The following ADAMTS18 variants were observed in gnomAD, a reference collection of about 807,000 sequenced individuals.
ADAMTS18 encodes the protein ADAM metallopeptidase with thrombospondin type 1 motif 18, also known as A disintegrin and metalloproteinase with thrombospondin motifs 18.
ADAMTS18 carries 157 observed loss-of-function variants against 165.9 expected under a neutral mutation model. The ratio of observed to expected loss-of-function variants is 0.95; its 90% CI spans 0.83 to 1.08. The LOEUF is 1.08. Among genes scored for constraint, ADAMTS18 ranks in the 50% least tolerant of loss-of-function variants. The pLI is 0.00. For missense variants in ADAMTS18, 2,040 were observed against 1,534.0 expected, an observed-to-expected ratio of 1.33 and a Z score of -5.51; for synonymous variants, 782 against 578.2, an observed-to-expected ratio of 1.35 and a Z score of -5.06.
Position 77,325,894 on chromosome 16 carries a change from G to A in ADAMTS18, c.2004C>T (p.Tyr668=), listed in dbSNP as rs2056086045. ...YNSKPFRGWF[Y]QWKPYTKVEE... is the part of the protein sequence containing the mutation. Reference sequence around the variant, plus strand: ...CCACTTTTGTATAGGGTTTCCACTGGTAGAACCATCCACGGAAAGGTTTGC... The same window carrying A: ...CCACTTTTGTATAGGGTTTCCACTGATAGAACCATCCACGGAAAGGTTTGC... The change falls in exon 13 of 23, where the codon TAC becomes TAT. Residue 668 remains tyrosine (Y), a synonymous_variant. Transcript: ENST00000282849. 6.2e-7 allele frequency: 1 copy of A among 1,613,936 alleles called. No homozygotes were observed. Among genetic ancestry groups the A allele is most frequent in the Non-Finnish European group, 8.5e-7 (1 of 1,179,960 alleles).
At chr16:77,353,124 T>C (rs2056579591) in intron 10 of ADAMTS18, among the ~76,000 whole-genome samples, 1 of 152,142 alleles carries the variant, frequency 6.6e-6, no homozygotes, top group Admixed American at 6.5e-5. Flanking sequence ...TACTTTCTGG[T>C]AAAGTTGAGA....
At chr16:77,426,490 T>C (rs1420530194) in intron 3 of ADAMTS18, among the ~76,000 whole-genome samples, 1 of 152,210 alleles carries the variant, frequency 6.6e-6, no homozygotes, top group Non-Finnish European at 1.5e-5. Context: ...ATTTTGGCAA[T>C]AACTTCACCA....
At chr16:77,362,320 G>C in intron 6 of ADAMTS18, 56 bp from the exon 7 acceptor site, 1 of 1,584,384 alleles carries the variant, frequency 6.3e-7, no homozygotes, top group Non-Finnish European at 8.7e-7. Context: ...TGAGAATGCT[G>C]AATCATTCCA....
intron 11 of ADAMTS18, among the ~76,000 whole-genome samples, chr16:77,339,608 A>C (rs983493849): frequency 1.3e-5 from 2 of 151,564 alleles, no homozygotes; most frequent in Non-Finnish European, 2.9e-5. Flanking sequence ...TAAAAAAAAA[A>C]ACAAAACACT....
Position 77,362,134 on chromosome 16 carries a change from G to T in ADAMTS18, c.1187C>A (p.Ser396Tyr), listed in dbSNP as rs753774784. The T allele has an allele frequency of 4.3e-6, 7 of 1,614,054 alleles. No homozygotes were observed. Among genetic ancestry groups the T allele is most frequent in the Non-Finnish European group, 5.9e-6 (7 of 1,180,002 alleles). Residue 396 changes from serine (S) to tyrosine (Y), a missense_variant, in exon 7 of 23, where the codon TCT (serine) becomes TAT (tyrosine). Coordinates refer to ENST00000282849, the MANE Select transcript of ADAMTS18 (RefSeq NM_199355.4). ...AILLTGFDIC[S>Y]WKNEPCDTLG... ...AGTGTCACATGGTTCATTCTTCCAA[G>T]AACAAATATCAAATCCTGTTAGTAA...
chr16:77,322,449 G>A lies in ADAMTS18; in HGVS notation c.2050C>T (p.Leu684=). 1 of 1,614,044 alleles carries A rather than the reference G, an allele frequency of 6.2e-7. No individual in the cohort carries two copies. Among genetic ancestry groups the A allele is most frequent in the Non-Finnish European group, 8.5e-7 (1 of 1,179,982 alleles). ...TCAAAGTTCTCAGCCTTGCAGTACA[G>A]TTTGCATCGATCTTCCTCTAGAAAC... The part of the protein sequence containing the change: ...TKVEEEDRCK[L]YCKAENFEFF... The change falls in exon 14 of 23, where the codon CTG becomes TTG. Residue 684 remains leucine (L), a synonymous_variant. Transcript: ENST00000282849.
At chr16:77,290,833 A>C in intron 21 of ADAMTS18, 1 of 239,898 alleles carries the variant, frequency 4.2e-6, no homozygotes. Flanking sequence ...AGTACTTAGC[A>C]CCGTGCATAG....
intron 12 of ADAMTS18, among the ~76,000 whole-genome samples, chr16:77,326,451 TG>T (rs1489125931): frequency 6.6e-6 from 1 of 152,212 alleles, no homozygotes; most frequent in Non-Finnish European, 1.5e-5. Flanking sequence ...GGCGTGATCT[TG>T]GCTCACTGCT....
intron 16 of ADAMTS18, among the ~76,000 whole-genome samples, chr16:77,305,441 T>C (rs1230612954): frequency 6.6e-6 from 1 of 152,118 alleles, no homozygotes; most frequent in Non-Finnish European, 1.5e-5. Flanking sequence ...AAAATGAAAA[T>C]TCAACAGTCA....
intron 16 of ADAMTS18, among the ~76,000 whole-genome samples, chr16:77,304,960 G>T (rs751799750): frequency 6.6e-6 from 1 of 152,130 alleles, no homozygotes; most frequent in Non-Finnish European, 1.5e-5. Context: ...TGCCTTTAAT[G>T]TATGTGTAGC....
intron 3 of ADAMTS18, among the ~76,000 whole-genome samples, chr16:77,400,458 G>GTGTGTGTGTGTC (rs2057312885): frequency 4.3e-5 from 2 of 46,474 alleles, no homozygotes; most frequent in African/African-American, 4.6e-5. Flanking sequence ...GTGTGTGTCT[G>GTGTGTGTGTGTC]TGTGTGTGTG....
rs758869287 is a variant in ADAMTS18, at chr16:77,363,821, A to G, written c.1037T>C (p.Ile346Thr). The stretch of plus-strand genomic sequence containing the variant: ...ACTTACAGGTTCTTGTTCCAGAAGA[A>G]TTAGGCTCACCACAACCACGTTTAT... ...SDINVVVVSL[I>T]LLEQEPGGLL... Residue 346 changes from isoleucine (I) to threonine (T), a missense_variant, in exon 6 of 23, where the codon ATT becomes ACT. Coordinates refer to ENST00000282849, the MANE Select transcript of ADAMTS18 (RefSeq NM_199355.4). 3.1e-6 allele frequency: 5 copies of G among 1,614,012 alleles called. No homozygotes were observed. In the East Asian group the frequency reaches 1.1e-4, roughly 36 times the overall value.
At chr16:77,289,149 G>C in intron 22 of ADAMTS18, 115 bp downstream of exon 22, 1 of 1,362,088 alleles carries the variant, frequency 7.3e-7, no homozygotes. Flanking sequence ...TAGACTTCGG[G>C]TGAATGGCTT....
intron 3 of ADAMTS18, among the ~76,000 whole-genome samples, chr16:77,423,080 AC>A (rs2057624509): frequency 6.6e-6 from 1 of 152,176 alleles, no homozygotes; most frequent in Admixed American, 6.5e-5. Context: ...CAGAGGTGGG[AC>A]CCACACATAT....
chr16:77,423,040 C>T (rs985596009), intron 3 of ADAMTS18, among the ~76,000 whole-genome samples: 2 of 152,176 alleles, frequency 1.3e-5, no homozygotes, highest in South Asian at 4.1e-4. Flanking sequence ...ACTTGAATCC[C>T]TAGGCTCTAC....
rs143629678 is a variant in ADAMTS18, at chr16:77,399,594, C to A, written c.495+31701G>T. On this transcript the variant is annotated intron_variant, in intron 3 of 22. Coordinates refer to ENST00000282849, the MANE Select transcript of ADAMTS18 (RefSeq NM_199355.4). Reference sequence around the variant, plus strand: ...GGGTTCTAGAAAGTTGCTTAATCACCCTGACCTTTTGCTGTTTCAATCGAG... The same window carrying A: ...GGGTTCTAGAAAGTTGCTTAATCACACTGACCTTTTGCTGTTTCAATCGAG... Among the ~76,000 whole-genome samples, 131 of 152,234 alleles carry A rather than the reference C, an allele frequency of 8.6e-4. 1 individual carries two copies. Among genetic ancestry groups the A allele is most frequent in the African/African-American group, 2.8e-3 (118 of 41,528 alleles).
At chr16:77,306,006 C>T (rs12928250) in intron 16 of ADAMTS18, among the ~76,000 whole-genome samples, 50,703 of 152,070 alleles carry the variant, frequency 0.33, 10,738 homozygotes, top group Non-Finnish European at 0.47. Context: ...ACAGGAGCAC[C>T]GCATCCCTCC....
chr16:77,431,408 C>T lies in ADAMTS18; in HGVS notation c.382G>A (p.Gly128Arg). The change falls in exon 3 of 23, where the codon GGA (glycine) becomes AGA (arginine). Residue 128 changes from glycine to arginine, a missense_variant. Gly to Arg is a moderately radical substitution (Grantham distance 125). Coordinates refer to ENST00000282849, the MANE Select transcript of ADAMTS18 (RefSeq NM_199355.4). ...LSSHFIVQVL[G>R]KDGASETQKP... Reference sequence around the variant, plus strand: ...TGAGTCTCTGAAGCACCATCTTTTCCAAGTACCTGGACAATAAAGTGACTG... The same window carrying T: ...TGAGTCTCTGAAGCACCATCTTTTCTAAGTACCTGGACAATAAAGTGACTG... 1 of 1,614,142 alleles carries T rather than the reference C, an allele frequency of 6.2e-7. No homozygotes were observed. The highest frequency in any genetic ancestry group is 8.5e-7 in the Non-Finnish European group (1 of 1,180,040).
chr16:77,338,846 C>T (rs553364314), intron 11 of ADAMTS18, among the ~76,000 whole-genome samples: 15 of 150,450 alleles, frequency 1.0e-4, no homozygotes, highest in South Asian at 4.2e-4. Context: ...TCCAGCTACT[C>T]GGGAGGCTGA....
Sources: gnomAD v4.1 joint callset for allele counts (sites outside exome capture counted in the v4.1 genomes callset) on GRCh38, gnomAD v4.1.1 for gene constraint, MANE v1.5 for transcripts, NCBI Gene and HGNC (gene_info 2026-07-23, HGNC 2026-07-21) for gene names.